The following NRXN3 variants were observed in gnomAD, a reference collection of about 807,000 sequenced individuals.
The protein encoded by NRXN3 is neurexin III.
Under a neutral mutation model 137.6 loss-of-function variants are expected in NRXN3, and 32 were observed. The observed-to-expected ratio is 0.23, with a 90% CI of 0.18 to 0.31. NRXN3 has a LOEUF of 0.31. Ranked by LOEUF, NRXN3 falls within the 10% of genes least tolerant of loss-of-function variation. The pLI is 1.00. For synonymous variants in NRXN3, 798 were observed against 784.5 expected, an observed-to-expected ratio of 1.02 and a Z score of -0.29; for missense variants, 1,574 against 2,062.5, an observed-to-expected ratio of 0.76 and a Z score of 4.59.
At chr14:78,761,376 A>G (rs1395559791) in intron 8 of NRXN3, among the ~76,000 whole-genome samples, 2 of 152,134 alleles carry the variant, frequency 1.3e-5, no homozygotes, top group African/African-American at 4.8e-5. Flanking sequence ...GAAAGTCAAA[A>G]CCTGTTAGAA....
intron 16 of NRXN3, among the ~76,000 whole-genome samples, chr14:79,554,804 G>A (rs959838754): frequency 4.6e-5 from 7 of 152,138 alleles, no homozygotes; most frequent in African/African-American, 1.4e-4. Context: ...ATTGGTAACT[G>A]AGAAAGTAAG....
chr14:79,238,232 C>T (rs1345069641), intron 15 of NRXN3, among the ~76,000 whole-genome samples: 1 of 152,102 alleles, frequency 6.6e-6, no homozygotes, highest in Admixed American at 6.6e-5. Context: ...TTTTTTAATA[C>T]TAGGCCTCAC....
chr14:78,493,500 G>C (rs2095708251), intron 4 of NRXN3, among the ~76,000 whole-genome samples: 1 of 150,606 alleles, frequency 6.6e-6, no homozygotes, highest in Admixed American at 6.6e-5. Context: ...TCCAGCCTAG[G>C]CAACAATCGT....
intron 3 of NRXN3, among the ~76,000 whole-genome samples, chr14:78,294,555 C>CAAAAAA (rs199592742): frequency 2.1e-3 from 222 of 106,092 alleles, no homozygotes; most frequent in Non-Finnish European, 3.0e-3. Context: ...GATTCCGTCT[C>CAAAAAA]AAAAAAAAAA....
intron 6 of NRXN3, among the ~76,000 whole-genome samples, chr14:78,691,587 ATTTTTTC>A (rs1567069628): frequency 2.0e-5 from 3 of 152,024 alleles, no homozygotes; most frequent in Non-Finnish European, 4.4e-5. Flanking sequence ...AGATTCTCAA[ATTTTTTC>A]TTTTTTCTTT....
At chr14:79,135,045 T>G (rs867203655) in intron 15 of NRXN3, among the ~76,000 whole-genome samples, 23 of 152,306 alleles carry the variant, frequency 1.5e-4, no homozygotes, top group African/African-American at 5.5e-4. Context: ...CCACTGATAA[T>G]TTTTACTCTC....
chr14:78,432,716 A>G (rs1371551606), intron 4 of NRXN3, among the ~76,000 whole-genome samples: 1 of 152,168 alleles, frequency 6.6e-6, no homozygotes, highest in Non-Finnish European at 1.5e-5. Flanking sequence ...TTCAACTCCA[A>G]GTCTCTTGTC....
intron 16 of NRXN3, among the ~76,000 whole-genome samples, chr14:79,590,252 A>G (rs543336431): frequency 2.3e-4 from 35 of 151,956 alleles, no homozygotes; most frequent in Non-Finnish European, 4.7e-4. Context: ...TAAGTCTCAG[A>G]AAGTCTGATG....
intron 4 of NRXN3, among the ~76,000 whole-genome samples, chr14:78,335,895 C>T (rs1458728161): frequency 6.6e-6 from 1 of 152,194 alleles, no homozygotes; most frequent in African/African-American, 2.4e-5. Flanking sequence ...GAGAGCATCG[C>T]TAAGGTAACC....
intron 19 of NRXN3, among the ~76,000 whole-genome samples, chr14:79,774,531 C>T (rs1012145454): frequency 1.3e-5 from 2 of 152,126 alleles, no homozygotes; most frequent in East Asian, 1.9e-4. Context: ...TAAACTATTT[C>T]TAGGACTTTA....
At chr14:79,184,517 A>G (rs1329622206) in intron 15 of NRXN3, among the ~76,000 whole-genome samples, 1 of 152,184 alleles carries the variant, frequency 6.6e-6, no homozygotes, top group Non-Finnish European at 1.5e-5. Flanking sequence ...TCTTCAAACC[A>G]AAGTATAATC....
At chr14:78,854,840 G>C (rs1049740382) in intron 10 of NRXN3, among the ~76,000 whole-genome samples, 1 of 152,150 alleles carries the variant, frequency 6.6e-6, no homozygotes, top group African/African-American at 2.4e-5. Context: ...GGGAGGCCAA[G>C]GTGGGTGGAT....
At chr14:78,651,113 G>T in intron 5 of NRXN3, 52 bp from the exon 6 acceptor site, 1 of 1,552,296 alleles carries the variant, frequency 6.4e-7, no homozygotes, top group South Asian at 1.1e-5. Flanking sequence ...GGTTATGATA[G>T]GATCGTAAGG....
intron 14 of NRXN3, chr14:78,973,057 A>G (rs1425690738): frequency 6.6e-6 from 1 of 152,182 alleles, no homozygotes; most frequent in Non-Finnish European, 1.5e-5. Context: ...TGTTCTTCTG[A>G]AAGGGTGACA....
At chr14:78,724,056 A>G (rs914781760) in intron 8 of NRXN3, among the ~76,000 whole-genome samples, 9 of 152,262 alleles carry the variant, frequency 5.9e-5, no homozygotes, top group African/African-American at 2.2e-4. Context: ...GGTAGAAACA[A>G]TGAGTTGTAG....
intron 15 of NRXN3, among the ~76,000 whole-genome samples, chr14:79,073,872 T>C (rs1230708531): frequency 2.0e-5 from 3 of 152,040 alleles, no homozygotes; most frequent in Non-Finnish European, 4.4e-5. Flanking sequence ...TGCTACTTAC[T>C]GGCTGAGTGA....
Position 78,959,961 on chromosome 14 carries a change from A to G in NRXN3, c.2395+2600A>G, listed in dbSNP as rs369687885. ...TGGAAAATAAATGCTCCAAAAGTAT[A>G]GTCATAAAGAACTACAGAGCTGAGG... On this transcript the variant is annotated intron_variant, in intron 11 of 20. Transcript: ENST00000335750. Among the ~76,000 whole-genome samples the G allele has an allele frequency of 5.9e-5, 9 of 152,312 alleles. No individual in the cohort carries two copies. In the East Asian group the frequency reaches 7.7e-4, roughly 13 times the overall value.
Position 78,181,514 on chromosome 14 carries a change from C to A in NRXN3, c.-704+10840C>A, listed in dbSNP as rs546336582. Among the ~76,000 whole-genome samples the A allele has an allele frequency of 4.6e-5, 7 of 152,354 alleles. No individual in the cohort carries two copies. In the East Asian group the frequency reaches 1.4e-3, roughly 29 times the overall value. ...GGCTATCCATTGCTGACAAAGAAAG[C>A]TGGTTTGCCTGGCCTGGGTCCCTGC... On this transcript the variant is annotated intron_variant, in intron 1 of 20. Coordinates refer to ENST00000335750, the MANE Select transcript of NRXN3 (RefSeq NM_001330195.2).
intron 15 of NRXN3, among the ~76,000 whole-genome samples, chr14:79,398,128 A>G (rs1355994447): frequency 6.6e-6 from 1 of 152,148 alleles, no homozygotes; most frequent in Non-Finnish European, 1.5e-5. Context: ...TGAACTGTAT[A>G]CTCTTGCCAT....
Sources: gnomAD v4.1 joint callset for allele counts (sites outside exome capture counted in the v4.1 genomes callset) on GRCh38, gnomAD v4.1.1 for gene constraint, MANE v1.5 for transcripts, NCBI Gene and HGNC (gene_info 2026-07-23, HGNC 2026-07-21) for gene names.